PPARA: variants seen among roughly 807,000 people sequenced by gnomAD.
PPARA encodes peroxisome proliferator activated receptor alpha.
PPARA carries 22 observed loss-of-function variants against 42.2 expected under a neutral mutation model. The ratio of observed to expected loss-of-function variants is 0.52; its 90% CI spans 0.37 to 0.74. PPARA has a LOEUF of 0.74. PPARA is among the 30% of genes least tolerant of loss of function. The probability of loss-of-function intolerance (pLI) is 0.00; values close to 1 mark genes in which losing one functional copy is unlikely to be tolerated. For missense variants in PPARA, 465 were observed against 608.2 expected, an observed-to-expected ratio of 0.76 and a Z score of 2.48; for synonymous variants, 242 against 239.3, an observed-to-expected ratio of 1.01 and a Z score of -0.10.
In PPARA at chr22:46,182,093, G is replaced by A. The variant is rs1359768420; in HGVS notation, c.-43+5257G>A. Among the ~76,000 whole-genome samples the A allele has an allele frequency of 6.6e-6, 1 of 152,208 alleles. No homozygotes were observed. The highest frequency in any genetic ancestry group is 1.5e-5 in the Non-Finnish European group (1 of 68,046). On this transcript the variant is annotated intron_variant, in intron 3 of 8. Coordinates refer to ENST00000407236, the MANE Select transcript of PPARA (RefSeq NM_005036.6). This position sits in a 1 kb window ranked among gnomAD's most constrained non-coding sequence, Gnocchi z 5.2. ...ACTCCTGACCTCAGACAGTCTGCCTGCCTTGGCCTCCCAAAGTGCTGGGAT... is the reference window on the plus strand; with the variant it reads ...ACTCCTGACCTCAGACAGTCTGCCTACCTTGGCCTCCCAAAGTGCTGGGAT...
intron 3 of PPARA, among the ~76,000 whole-genome samples, chr22:46,194,899 T>C (rs1222799262): frequency 2.8e-5 from 4 of 142,746 alleles, no homozygotes; most frequent in African/African-American, 2.6e-5. Flanking sequence ...CTTTCTTTTT[T>C]TTTTTTTTTT....
chr22:46,157,157 T>C (rs973593725), intron 2 of PPARA, among the ~76,000 whole-genome samples: 1 of 152,210 alleles, frequency 6.6e-6, no homozygotes, highest in Non-Finnish European at 1.5e-5. Context: ...GCAGAGAGGA[T>C]GTCTTATTTA....
rs1359297965 is a variant in PPARA at position 46,182,157 on chromosome 22, A to G, written c.-43+5321A>G. Among the ~76,000 whole-genome samples, 3 of 152,176 alleles carry G rather than the reference A, an allele frequency of 2.0e-5. No homozygotes were observed. In the South Asian group the frequency reaches 6.2e-4, roughly 32 times the overall value. On this transcript the variant is annotated intron_variant, in intron 3 of 8. Transcript: ENST00000407236. This position sits in a 1 kb window ranked among gnomAD's most constrained non-coding sequence, Gnocchi z 5.2. The stretch of plus-strand genomic sequence containing the variant: ...CACCATGCCCAGCCAGCAGTTTCTT[A>G]TAAAGTTAAACCAATGCCTACCATG...
rs1930181607 is a variant in PPARA at position 46,182,981 on chromosome 22, G to A, written c.-43+6145G>A. The stretch of plus-strand genomic sequence containing the variant: ...GCTGGTCTTGAACTCCTGACCTCAG[G>A]TGATCCACCCACCTCGGCCTCCCAA... On this transcript the variant is annotated intron_variant, in intron 3 of 8. Transcript: ENST00000407236. The surrounding 1 kb of genome is among the most constrained non-coding windows in gnomAD (Gnocchi z 5.2). 6.6e-6 allele frequency among the ~76,000 whole-genome samples: 1 copy of A among 152,158 alleles called. No homozygotes were observed. Among genetic ancestry groups the A allele is most frequent in the Admixed American group, 6.5e-5 (1 of 15,272 alleles).
intron 7 of PPARA, among the ~76,000 whole-genome samples, chr22:46,223,099 C>T (rs749035557): frequency 2.6e-4 from 39 of 152,208 alleles, no homozygotes; most frequent in African/African-American, 8.2e-4. Context: ...AAGGCTGCAG[C>T]GAGCCACGAT....
Position 46,191,133 on chromosome 22 carries a change from G to T in PPARA, c.-42-7209G>T, listed in dbSNP as rs984347151. Among the ~76,000 whole-genome samples, 2 of 152,138 alleles carry T rather than the reference G, an allele frequency of 1.3e-5. No individual in the cohort carries two copies. The highest frequency in any genetic ancestry group is 2.9e-5 in the Non-Finnish European group (2 of 68,028). On this transcript the variant is annotated intron_variant, in intron 3 of 8. Coordinates refer to ENST00000407236, the MANE Select transcript of PPARA (RefSeq NM_005036.6). This position sits in a 1 kb window ranked among gnomAD's most constrained non-coding sequence, Gnocchi z 4.6. ...GCTTGAACCCGGGAGGCGTGGGGTT[G>T]CAGTGAGCCGAGATTGCACAACTGC...
At chr22:46,177,665 A>G (rs759447684) in intron 3 of PPARA, among the ~76,000 whole-genome samples, 21 of 152,226 alleles carry the variant, frequency 1.4e-4, no homozygotes, top group South Asian at 6.2e-4. Flanking sequence ...GTGTATGCCA[A>G]TGAGATAGAT....
At chr22:46,214,531 C>T (rs905555377) in intron 4 of PPARA, among the ~76,000 whole-genome samples, 1 of 87,202 alleles carries the variant, frequency 1.1e-5, no homozygotes, top group Non-Finnish European at 2.2e-5. Context: ...ATGTGTGGAT[C>T]AGGAGATGTT....
rs1926579192 is a variant in PPARA, at chr22:46,163,729, C to T, written c.-127+11759C>T. On this transcript the variant is annotated intron_variant, in intron 2 of 8. Coordinates refer to ENST00000407236, the MANE Select transcript of PPARA (RefSeq NM_005036.6). The surrounding 1 kb of genome is among the most constrained non-coding windows in gnomAD (Gnocchi z 4.9). The stretch of plus-strand genomic sequence containing the variant: ...GACAGCCACATCCTGCCCGGGGCTC[C>T]TGGGCCCCGCTGCATCAAGTGAAAG... The T allele has an allele frequency of 6.6e-6, 1 of 152,246 alleles. No homozygotes were observed. The highest frequency in any genetic ancestry group is 1.5e-5 in the Non-Finnish European group (1 of 68,066). 9.4% of individuals were successfully genotyped at this position (152,246 alleles called of 1,614,324 possible). A position where few individuals can be genotyped will look rare whatever the true frequency, so the allele number is the denominator to read the frequency against.
chr22:46,199,946 C>T (rs966504577), intron 4 of PPARA, among the ~76,000 whole-genome samples: 4 of 152,194 alleles, frequency 2.6e-5, no homozygotes, highest in African/African-American at 9.6e-5. Context: ...TGGTCTCAAA[C>T]TCCTGACGTC....
In PPARA at chr22:46,184,795, C is replaced by T. The variant is rs1930435184; in HGVS notation, c.-43+7959C>T. 6.6e-6 allele frequency among the ~76,000 whole-genome samples: 1 copy of T among 152,216 alleles called. No homozygotes were observed. The highest frequency in any genetic ancestry group is 2.4e-5 in the African/African-American group (1 of 41,444). ...GCTTTAACCTGGGAGGTGGAGGTTG[C>T]AGTGAGCTGAGATTGTGTCACTGCA... On this transcript the variant is annotated intron_variant, in intron 3 of 8. Transcript: ENST00000407236. The surrounding 1 kb of genome is among the most constrained non-coding windows in gnomAD (Gnocchi z 4.4).
Position 46,221,280 on chromosome 22 carries a change from C to T in PPARA, c.711+1266C>T, listed in dbSNP as rs777627201. On this transcript the variant is annotated intron_variant, in intron 7 of 8. Coordinates refer to ENST00000407236, the MANE Select transcript of PPARA (RefSeq NM_005036.6). This position sits in a 1 kb window ranked among gnomAD's most constrained non-coding sequence, Gnocchi z 5.9. ...ATCACCCCCATGATCCAGTCCCTCC[C>T]GCCAGGCCTCACCTCCACCACTGGG... 5.3e-5 allele frequency among the ~76,000 whole-genome samples: 8 copies of T among 152,164 alleles called. No homozygotes were observed. Among genetic ancestry groups the T allele is most frequent in the African/African-American group, 1.9e-4 (8 of 41,442 alleles).
At chr22:46,169,832 T>C (rs1475251187) in intron 2 of PPARA, among the ~76,000 whole-genome samples, 6 of 151,948 alleles carry the variant, frequency 3.9e-5, no homozygotes, top group Admixed American at 1.3e-4. Flanking sequence ...AAGGTGTCAG[T>C]CATCTTAAGA....
chr22:46,201,263 G>T (rs1050315965), intron 4 of PPARA, among the ~76,000 whole-genome samples: 1 of 152,158 alleles, frequency 6.6e-6, no homozygotes, highest in African/African-American at 2.4e-5. Flanking sequence ...CCTTGTAAAA[G>T]GTGGCAGTGT....
In PPARA at chr22:46,173,026, C is replaced by G. The variant is rs567405364; in HGVS notation, c.-126-3727C>G. Among the ~76,000 whole-genome samples the G allele has an allele frequency of 1.3e-5, 2 of 152,278 alleles. No individual in the cohort carries two copies. Among genetic ancestry groups the G allele is most frequent in the South Asian group, 4.1e-4 (2 of 4,820 alleles). ...ACCCTTAAATGGCTTGCTTCTGCTC[C>G]CTTAGTGTTCTTGTCACTTTAAGTT... On this transcript the variant is annotated intron_variant, in intron 2 of 8. Coordinates refer to ENST00000407236, the MANE Select transcript of PPARA (RefSeq NM_005036.6). This position sits in a 1 kb window ranked among gnomAD's most constrained non-coding sequence, Gnocchi z 4.3.
chr22:46,177,463 CA>C (rs34148860), intron 3 of PPARA, among the ~76,000 whole-genome samples: 11,346 of 86,366 alleles, frequency 0.13, 499 homozygotes, highest in Middle Eastern at 0.24. Context: ...GACTCCATCT[CA>C]AAAAAAAAAA....
rs1378513503 is a variant in PPARA, at chr22:46,183,032, A to T, written c.-43+6196A>T. Among the ~76,000 whole-genome samples, 1 of 152,226 alleles carries T rather than the reference A, an allele frequency of 6.6e-6. No individual in the cohort carries two copies. The highest frequency in any genetic ancestry group is 3.2e-3 in the Middle Eastern group (1 of 316). On this transcript the variant is annotated intron_variant, in intron 3 of 8. Transcript: ENST00000407236. The surrounding 1 kb of genome is among the most constrained non-coding windows in gnomAD (Gnocchi z 5.5). The stretch of plus-strand genomic sequence containing the variant: ...AGTGTTGGGATTATAGGCATGAGCC[A>T]CAGCACCGGGCCCATAAAGCTGTCT...
rs1415818166 is a variant in PPARA at position 46,150,820 on chromosome 22, G to A, written c.-210+168G>A. The A allele has an allele frequency of 6.6e-6, 1 of 151,504 alleles. No individual in the cohort carries two copies. The highest frequency in any genetic ancestry group is 2.0e-4 in the East Asian group (1 of 5,068). 9.4% of individuals were successfully genotyped at this position (151,504 alleles called of 1,614,324 possible). A position where few individuals can be genotyped will look rare whatever the true frequency, so the allele number is the denominator to read the frequency against. ...GGTCTCCGGGTCCCGGGGACCCGGG[G>A]GCCCGGGGTGCGCGGCTGGGGACCT... On this transcript the variant is annotated intron_variant, in intron 1 of 8. Transcript: ENST00000407236. This position sits in a 1 kb window ranked among gnomAD's most constrained non-coding sequence, Gnocchi z 7.5.
intron 3 of PPARA, among the ~76,000 whole-genome samples, chr22:46,185,026 A>G (rs4253690): frequency 0.082 from 12,519 of 152,012 alleles, 647 homozygotes; most frequent in Admixed American, 0.17. Context: ...GGCCCTTGCA[A>G]TCTGGAAATT....
Sources: gnomAD v4.1 joint callset for allele counts (sites outside exome capture counted in the v4.1 genomes callset) on GRCh38, gnomAD v4.1.1 for gene constraint, Gnocchi (gnomAD v3.1) non-coding constraint, MANE v1.5 for transcripts, NCBI Gene and HGNC (gene_info 2026-07-23, HGNC 2026-07-21) for gene names.